The following ADGRB3 variants were observed in gnomAD, a reference collection of about 807,000 sequenced individuals.
The protein encoded by ADGRB3 is adhesion G protein-coupled receptor B3.
A neutral mutation model predicts 193.4 loss-of-function variants in ADGRB3; 37 were observed. That is an observed-to-expected ratio of 0.19 (90% confidence interval 0.15 to 0.25). The LOEUF is 0.25. Ranked by LOEUF, ADGRB3 falls within the 10% of genes least tolerant of loss-of-function variation. The pLI is 1.00. For missense variants in ADGRB3, 1,637 were observed against 1,852.9 expected, an observed-to-expected ratio of 0.88 and a Z score of 2.14; for synonymous variants, 690 against 644.2, an observed-to-expected ratio of 1.07 and a Z score of -1.08.
At chr6:68,892,724 A>G (rs1049529340) in intron 3 of ADGRB3, among the ~76,000 whole-genome samples, 3 of 152,200 alleles carry the variant, frequency 2.0e-5, no homozygotes, top group Non-Finnish European at 1.5e-5. Flanking sequence ...AAGTTTCCAT[A>G]AGCAAGTTTG....
intron 8 of ADGRB3, among the ~76,000 whole-genome samples, chr6:68,962,134 C>T (rs934049741): frequency 1.3e-5 from 2 of 152,062 alleles, no homozygotes. Context: ...TTGTTCTTGC[C>T]AAGTCACTTC....
intron 8 of ADGRB3, among the ~76,000 whole-genome samples, chr6:68,961,664 A>G (rs1768238032): frequency 6.6e-6 from 1 of 152,202 alleles, no homozygotes; most frequent in Non-Finnish European, 1.5e-5. Context: ...AATCATTATT[A>G]GAAACCCAAA....
At position 69,031,967 on chromosome 6, in the gene ADGRB3, C is replaced by T. The variant is rs556091974; in HGVS notation, c.2107+13468C>T. Among the ~76,000 whole-genome samples, 40 of 152,080 alleles carry T rather than the reference C, an allele frequency of 2.6e-4. No individual in the cohort carries two copies. The South Asian group carries it at 7.7e-3, about 29-fold the overall frequency. On this transcript the variant is annotated intron_variant, in intron 13 of 31. Coordinates refer to ENST00000370598, the MANE Select transcript of ADGRB3 (RefSeq NM_001704.3). ...TCTCTATGAAGAGCTTGAATTTCTACAAAAAAAGTTTTTGATGACCTGTGT... is the reference window on the plus strand; with the variant it reads ...TCTCTATGAAGAGCTTGAATTTCTATAAAAAAAGTTTTTGATGACCTGTGT...
At chr6:68,868,110 G>T (rs1765354468) in intron 3 of ADGRB3, among the ~76,000 whole-genome samples, 1 of 152,110 alleles carries the variant, frequency 6.6e-6, no homozygotes, top group Non-Finnish European at 1.5e-5. Context: ...GATATGATTT[G>T]GCTCTGTGTC....
chr6:68,907,638 T>C (rs886161229), intron 3 of ADGRB3, among the ~76,000 whole-genome samples: 7 of 151,998 alleles, frequency 4.6e-5, no homozygotes, highest in Non-Finnish European at 5.9e-5. Flanking sequence ...TTTCTCTCAA[T>C]GATTTCCCAA....
At chr6:68,777,487 A>T (rs1766770055) in intron 3 of ADGRB3, among the ~76,000 whole-genome samples, 1 of 152,126 alleles carries the variant, frequency 6.6e-6, no homozygotes, top group African/African-American at 2.4e-5. Context: ...AACCCATATT[A>T]ACGACCAGTA....
chr6:69,297,783 G>A (rs1017825056), intron 20 of ADGRB3, among the ~76,000 whole-genome samples: 2 of 151,888 alleles, frequency 1.3e-5, no homozygotes, highest in Non-Finnish European at 2.9e-5. Context: ...TTTTGATTAT[G>A]ATACATGTTT....
At chr6:68,755,777 T>A (rs1766288650) in intron 3 of ADGRB3, among the ~76,000 whole-genome samples, 1 of 151,804 alleles carries the variant, frequency 6.6e-6, no homozygotes, top group Non-Finnish European at 1.5e-5. Context: ...AAGTGGAGAG[T>A]CTCAAACACA....
intron 26 of ADGRB3, among the ~76,000 whole-genome samples, chr6:69,342,262 G>A (rs1768989476): frequency 6.6e-6 from 1 of 152,076 alleles, no homozygotes; most frequent in Admixed American, 6.6e-5. Context: ...ATTAGTTCAA[G>A]TTGAATAATT....
chr6:69,041,295 A>C (rs986356849), intron 13 of ADGRB3, among the ~76,000 whole-genome samples: 2 of 152,140 alleles, frequency 1.3e-5, no homozygotes, highest in African/African-American at 4.8e-5. Flanking sequence ...AAAATCCTAA[A>C]ATACGATTTT....
At chr6:68,731,562 T>G (rs1765776308) in intron 3 of ADGRB3, among the ~76,000 whole-genome samples, 1 of 151,602 alleles carries the variant, frequency 6.6e-6, no homozygotes, top group African/African-American at 2.4e-5. Flanking sequence ...AATAAATATG[T>G]TTTTTTCACT....
chr6:68,857,744 GT>G (rs1361983440), intron 3 of ADGRB3, among the ~76,000 whole-genome samples: 1 of 152,154 alleles, frequency 6.6e-6, no homozygotes, highest in Non-Finnish European at 1.5e-5. Flanking sequence ...GGCATGATTG[GT>G]TTTGAAATGT....
chr6:69,152,351 A>G (rs1376916942), intron 17 of ADGRB3, among the ~76,000 whole-genome samples: 1 of 152,210 alleles, frequency 6.6e-6, no homozygotes, highest in Non-Finnish European at 1.5e-5. Context: ...TCAGGTCCCA[A>G]TGTGACTCTT....
chr6:69,225,291 A>G (rs188960488), intron 17 of ADGRB3, among the ~76,000 whole-genome samples: 3 of 152,262 alleles, frequency 2.0e-5, no homozygotes, highest in Admixed American at 1.3e-4. Flanking sequence ...CACCATGACC[A>G]TCTCAAGCTT....
chr6:68,644,332 A>G (rs751936872), intron 3 of ADGRB3, among the ~76,000 whole-genome samples: 1 of 152,152 alleles, frequency 6.6e-6, no homozygotes, highest in South Asian at 2.1e-4. Context: ...TTACTAACAA[A>G]TATTCTTAAT....
chr6:69,280,867 G>A (rs927283144), intron 20 of ADGRB3, among the ~76,000 whole-genome samples: 3 of 151,996 alleles, frequency 2.0e-5, no homozygotes, highest in Non-Finnish European at 4.4e-5. Context: ...ATATATATAT[G>A]TAAGGAACAT....
intron 17 of ADGRB3, among the ~76,000 whole-genome samples, chr6:69,106,370 G>A (rs1773216811): frequency 1.3e-5 from 2 of 152,052 alleles, no homozygotes; most frequent in African/African-American, 2.4e-5. Context: ...TAATTAAACG[G>A]TGGTGTATGA....
At chr6:69,052,177 C>T (rs1350387884) in intron 15 of ADGRB3, among the ~76,000 whole-genome samples, 5 of 152,142 alleles carry the variant, frequency 3.3e-5, no homozygotes, top group South Asian at 2.1e-4. Context: ...CATGAGCCAC[C>T]GCAGTAATAA....
At chr6:69,232,599 G>A in intron 17 of ADGRB3, 1 of 1,535,688 alleles carries the variant, frequency 6.5e-7, no homozygotes, top group South Asian at 1.2e-5. Context: ...AGGCGAGCTG[G>A]ACTGAGTGAA....
Sources: allele counts gnomAD v4.1 joint callset (sites outside exome capture counted in the v4.1 genomes callset), GRCh38; gene constraint gnomAD v4.1.1; transcripts MANE v1.5; gene names NCBI Gene and HGNC (gene_info 2026-07-23, HGNC 2026-07-21).